TACR3: variants seen among roughly 807,000 people sequenced by gnomAD.
TACR3 encodes the protein neuromedin-K receptor.
In TACR3, 34 loss-of-function variants were observed where a neutral mutation model predicts 35.0. The observed-to-expected ratio is 0.97, with a 90% confidence interval of 0.74 to 1.30. The LOEUF (loss-of-function observed/expected upper bound fraction) is 1.30, where lower values mean the gene tolerates loss of function less well. Among genes scored for constraint, TACR3 ranks in the 50% most tolerant of loss-of-function variants. TACR3 has a pLI of 0.00. For missense variants in TACR3, 558 were observed against 591.7 expected (o/e 0.94, Z 0.59); for synonymous variants, 233 against 221.1 (o/e 1.05, Z -0.48).
At chr4:103,591,004 C>T (rs1723880573) in intron 4 of TACR3, among the ~76,000 whole-genome samples, 2 of 152,110 alleles carry the variant, frequency 1.3e-5, no homozygotes, top group Admixed American at 1.3e-4. Context: ...TTGGAGTTCC[C>T]ATTGTTTTTA....
intron 1 of TACR3, among the ~76,000 whole-genome samples, chr4:103,667,923 G>A (rs550130252): frequency 5.9e-5 from 9 of 152,116 alleles, no homozygotes; most frequent in Admixed American, 2.6e-4. Flanking sequence ...CTGCCTCCTG[G>A]GCTCAAGTGA....
At chr4:103,623,525 C>A (rs17033914) in intron 3 of TACR3, among the ~76,000 whole-genome samples, 1 of 152,012 alleles carries the variant, frequency 6.6e-6, no homozygotes, top group Admixed American at 6.6e-5. Flanking sequence ...TATAGCAAAA[C>A]GTATCTGAAC....
rs1723862409 is a variant in TACR3 at position 103,590,114 on chromosome 4, T to C, written c.1086-120A>G. ...CAACTCAGTTTTTGAGTTTGGTTTTTAGCCAGACTCTTAGAATTTATGTCA... is the reference window on the plus strand; with the variant it reads ...CAACTCAGTTTTTGAGTTTGGTTTTCAGCCAGACTCTTAGAATTTATGTCA... On this transcript the variant is annotated intron_variant, in intron 4 of 4. Coordinates refer to ENST00000304883, the MANE Select transcript of TACR3 (RefSeq NM_001059.3). The C allele has an allele frequency of 1.1e-5, 13 of 1,210,808 alleles. No homozygotes were observed. In the South Asian group the frequency reaches 1.4e-4, roughly 13 times the overall value. The allele number at this position is 1,210,808 out of a possible 1,614,324, so 75.0% of individuals were successfully genotyped here. A position where few individuals can be genotyped will look rare whatever the true frequency, so the allele number is the denominator to read the frequency against.
chr4:103,714,208 C>T (rs1318867554), intron 1 of TACR3, among the ~76,000 whole-genome samples: 1 of 151,788 alleles, frequency 6.6e-6, no homozygotes, highest in Non-Finnish European at 1.5e-5. Context: ...GTTAAATATG[C>T]CATAAATTCT....
chr4:103,671,125 G>T (rs1371541662), intron 1 of TACR3, among the ~76,000 whole-genome samples: 1 of 151,724 alleles, frequency 6.6e-6, no homozygotes, highest in Non-Finnish European at 1.5e-5. Flanking sequence ...TGGATTTGAT[G>T]TGAATCTCAC....
intron 3 of TACR3, among the ~76,000 whole-genome samples, chr4:103,628,350 T>C (rs973455179): frequency 2.6e-5 from 4 of 151,932 alleles, no homozygotes; most frequent in Admixed American, 2.0e-4. Flanking sequence ...AATCAATGAA[T>C]CCAGGAGCTG....
At chr4:103,620,890 A>T (rs1422931757) in intron 3 of TACR3, among the ~76,000 whole-genome samples, 1 of 91,682 alleles carries the variant, frequency 1.1e-5, no homozygotes, top group Non-Finnish European at 2.0e-5. Context: ...TAAAAGTTAA[A>T]TTTTAAAAAA....
At chr4:103,682,788 G>A (rs1035370638) in intron 1 of TACR3, among the ~76,000 whole-genome samples, 2 of 152,116 alleles carry the variant, frequency 1.3e-5, no homozygotes, top group African/African-American at 4.8e-5. Flanking sequence ...TTCTCATCTG[G>A]AGGCTGGACT....
In TACR3 at chr4:103,587,974, TTGTA is replaced by T. The variant is rs1290848975; in HGVS notation, c.*1704_*1707del. ...TAAATGATTGAATGTGTAGGCACAT[TTGTA>T]TGTGTGTGTGTGTGTGTGTGTGTCT... On this transcript the variant is annotated 3_prime_UTR_variant, in exon 5 of 5. Coordinates refer to ENST00000304883, the MANE Select transcript of TACR3 (RefSeq NM_001059.3). 6.7e-6 allele frequency: 1 copy of T among 148,524 alleles called. No individual in the cohort carries two copies. The highest frequency in any genetic ancestry group is 2.6e-5 in the African/African-American group (1 of 38,362). 9.2% of individuals were successfully genotyped at this position (148,524 alleles called of 1,614,324 possible).
intron 1 of TACR3, among the ~76,000 whole-genome samples, chr4:103,667,961 T>G (rs1032774358): frequency 1.3e-5 from 2 of 152,088 alleles, no homozygotes; most frequent in African/African-American, 4.8e-5. Context: ...CCTGAGTAGC[T>G]GGGACCAGAG....
chr4:103,672,219 G>A (rs1398156379), intron 1 of TACR3, among the ~76,000 whole-genome samples: 3 of 152,018 alleles, frequency 2.0e-5, no homozygotes, highest in Non-Finnish European at 4.4e-5. Flanking sequence ...CTGAAGTTTT[G>A]AACCCCTCAA....
At chr4:103,687,906 T>G (rs1722286616) in intron 1 of TACR3, among the ~76,000 whole-genome samples, 2 of 152,130 alleles carry the variant, frequency 1.3e-5, no homozygotes, top group South Asian at 4.1e-4. Flanking sequence ...ACTTTAAAGT[T>G]CATATGGAAC....
chr4:103,651,276 C>T, intron 3 of TACR3, among the ~76,000 whole-genome samples: 1 of 151,658 alleles, frequency 6.6e-6, no homozygotes, highest in African/African-American at 2.4e-5. Flanking sequence ...TTCTATTGTA[C>T]TGTGGCTGAG....
At chr4:103,651,860 T>A (rs1282795389) in intron 3 of TACR3, among the ~76,000 whole-genome samples, 1 of 152,002 alleles carries the variant, frequency 6.6e-6, no homozygotes, top group Non-Finnish European at 1.5e-5. Flanking sequence ...TCCCTTCTAG[T>A]CCAGGTTGTG....
At chr4:103,685,297 T>C (rs534339383) in intron 1 of TACR3, among the ~76,000 whole-genome samples, 16 of 152,208 alleles carry the variant, frequency 1.1e-4, no homozygotes, top group African/African-American at 3.6e-4. Flanking sequence ...TTTAAAACAA[T>C]TGGATATTTG....
At chr4:103,590,038 G>C (rs746468577) in intron 4 of TACR3, 44 bp from the exon 5 acceptor site, 16 of 1,581,330 alleles carry the variant, frequency 1.0e-5, no homozygotes, top group Non-Finnish European at 1.2e-5. Flanking sequence ...ATTTTTTCAA[G>C]CAGATATGTC....
chr4:103,687,679 C>A (rs1452606559), intron 1 of TACR3, among the ~76,000 whole-genome samples: 1 of 152,126 alleles, frequency 6.6e-6, no homozygotes, highest in Non-Finnish European at 1.5e-5. Context: ...ACCTAGGAAT[C>A]CACCTTATAA....
chr4:103,712,811 A>T (rs78317838), intron 1 of TACR3, among the ~76,000 whole-genome samples: 1 of 152,138 alleles, frequency 6.6e-6, no homozygotes, highest in Non-Finnish European at 1.5e-5. Context: ...AAAAGTTGGC[A>T]AAGTATATGA....
intron 3 of TACR3, among the ~76,000 whole-genome samples, chr4:103,648,597 T>A (rs542286634): frequency 2.0e-4 from 30 of 152,216 alleles, no homozygotes; most frequent in South Asian, 1.7e-3. Flanking sequence ...GTTCCATCCA[T>A]GTTGTTGCAA....
Sources: allele counts gnomAD v4.1 joint callset (sites outside exome capture counted in the v4.1 genomes callset), GRCh38; gene constraint gnomAD v4.1.1; transcripts MANE v1.5; gene names NCBI Gene and HGNC (gene_info 2026-07-23, HGNC 2026-07-21).